GPC3: variants seen among roughly 807,000 people sequenced by gnomAD.
GPC3 encodes the protein glypican 3.
Under a neutral mutation model 34.4 loss-of-function variants are expected in GPC3, and 3 were observed. The ratio of observed to expected loss-of-function variants is 0.09; its 90% CI spans 0.04 to 0.23. The LOEUF (loss-of-function observed/expected upper bound fraction) is 0.23. GPC3 is among the 10% of genes least tolerant of loss of function. The pLI is 1.00. For synonymous variants in GPC3, 177 were observed against 174.0 expected (o/e 1.02, Z -0.13); for missense variants, 351 against 445.6 (o/e 0.79, Z 1.91).
At chrX:133,774,487 C>T (rs750717026) in intron 2 of GPC3, among the ~76,000 whole-genome samples, 1 of 110,576 alleles carries the variant, frequency 9.0e-6, no homozygotes, top group Admixed American at 9.7e-5. Flanking sequence ...AAATATAATC[C>T]AAAGCTCGCT....
intron 2 of GPC3, among the ~76,000 whole-genome samples, chrX:133,767,290 A>G (rs756012122): frequency 1.8e-5 from 2 of 112,032 alleles, no homozygotes; most frequent in East Asian, 5.6e-4. Context: ...CTACTTACCA[A>G]CAACAATAAT....
At chrX:133,627,750 G>A (rs975525578) in intron 6 of GPC3, among the ~76,000 whole-genome samples, 2 of 112,434 alleles carry the variant, frequency 1.8e-5, no homozygotes, top group Non-Finnish European at 3.8e-5. Context: ...TACAAAAAGA[G>A]AAAAAGTACA....
chrX:133,829,521 C>G (rs1381678333), intron 2 of GPC3, among the ~76,000 whole-genome samples: 1 of 111,634 alleles, frequency 9.0e-6, no homozygotes, highest in Non-Finnish European at 1.9e-5. Flanking sequence ...CACACATTCT[C>G]AAGTGAACAT....
intron 5 of GPC3, among the ~76,000 whole-genome samples, chrX:133,666,981 C>A (rs907866907): frequency 9.0e-6 from 1 of 111,715 alleles, no homozygotes; most frequent in African/African-American, 3.2e-5. Flanking sequence ...TTACCATGAC[C>A]ATTTTTAATC....
At chrX:133,749,491 A>G (rs370125214) in intron 3 of GPC3, among the ~76,000 whole-genome samples, 16 of 111,161 alleles carry the variant, frequency 1.4e-4, no homozygotes, top group African/African-American at 3.9e-4. Flanking sequence ...TGAAGTATTG[A>G]GAACTATGCT....
intron 2 of GPC3, among the ~76,000 whole-genome samples, chrX:133,905,619 T>A (rs1044878060): frequency 5.4e-5 from 6 of 111,996 alleles, no homozygotes; most frequent in African/African-American, 1.9e-4. Flanking sequence ...AGAAAATGGA[T>A]GTCAAATCTG....
intron 2 of GPC3, among the ~76,000 whole-genome samples, chrX:133,915,627 T>C (rs2076220765): frequency 8.9e-6 from 1 of 112,848 alleles, no homozygotes; most frequent in African/African-American, 3.2e-5. Context: ...TCTGGCTTAG[T>C]GTTACCTGTG....
chrX:133,545,337 T>C (rs920181353), intron 7 of GPC3, among the ~76,000 whole-genome samples: 1 of 111,778 alleles, frequency 8.9e-6, no homozygotes, highest in African/African-American at 3.3e-5. Context: ...TTTTGGAAGA[T>C]GTTTCAGTAG....
chrX:133,554,812 C>G (rs1192518204), intron 7 of GPC3, among the ~76,000 whole-genome samples: 1 of 112,184 alleles, frequency 8.9e-6, no homozygotes, highest in Non-Finnish European at 1.9e-5. Context: ...AGAACCCCTT[C>G]CCTTCCCTTG....
chrX:133,607,942 C>A (rs1000912782), intron 6 of GPC3, among the ~76,000 whole-genome samples: 4 of 112,725 alleles, frequency 3.5e-5, no homozygotes, highest in African/African-American at 1.3e-4. Flanking sequence ...GAGCCTCTGC[C>A]AATTCCCAGA....
At chrX:133,605,171 G>GT (rs1252565390) in intron 6 of GPC3, among the ~76,000 whole-genome samples, 2 of 101,646 alleles carry the variant, frequency 2.0e-5, no homozygotes, top group Non-Finnish European at 3.9e-5. Context: ...CACTTCACAC[G>GT]TGGGGGGGGG....
intron 2 of GPC3, among the ~76,000 whole-genome samples, chrX:133,841,215 A>ATTTTTTTTTTTTTTTTTTTGTTTTT (rs2075822653): frequency 2.5e-5 from 1 of 39,248 alleles, no homozygotes; most frequent in Non-Finnish European, 5.4e-5. Flanking sequence ...TAATCTTTTA[A>ATTTTTTTTTTTTTTTTTTTGTTTTT]TTTTTTTTTT....
intron 2 of GPC3, among the ~76,000 whole-genome samples, chrX:133,760,936 T>C (rs1292038779): frequency 1.8e-5 from 2 of 111,348 alleles, no homozygotes; most frequent in African/African-American, 6.6e-5. Flanking sequence ...AATCCAAAAC[T>C]GTTCTAAACA....
At chrX:133,979,184 T>G (rs1323743289) in intron 1 of GPC3, among the ~76,000 whole-genome samples, 1 of 111,999 alleles carries the variant, frequency 8.9e-6, no homozygotes, top group Non-Finnish European at 1.9e-5. Context: ...TTTATCAACA[T>G]AAGCCTATTA....
intron 7 of GPC3, among the ~76,000 whole-genome samples, chrX:133,569,709 A>G (rs1257139990): frequency 1.8e-5 from 2 of 112,059 alleles, no homozygotes; most frequent in Non-Finnish European, 3.8e-5. Flanking sequence ...TTACAGTTAA[A>G]TGTGAGACAC....
intron 2 of GPC3, among the ~76,000 whole-genome samples, chrX:133,900,049 C>T (rs937860781): frequency 8.9e-6 from 1 of 111,743 alleles, no homozygotes; most frequent in East Asian, 2.8e-4. Context: ...GTGATCCACC[C>T]GCCTCAGCCT....
At chrX:133,910,980 C>A (rs2076196088) in intron 2 of GPC3, among the ~76,000 whole-genome samples, 1 of 111,808 alleles carries the variant, frequency 8.9e-6, no homozygotes, top group Non-Finnish European at 1.9e-5. Context: ...TTCAACCTCA[C>A]CTCCTCCCCA....
At chrX:133,655,808 T>A (rs2124395548) in intron 6 of GPC3, among the ~76,000 whole-genome samples, 1 of 112,118 alleles carries the variant, frequency 8.9e-6, no homozygotes, top group Non-Finnish European at 1.9e-5. Flanking sequence ...CTGAGATTCA[T>A]TTCAAACATT....
At chrX:133,877,962 T>C (rs1003272338) in intron 2 of GPC3, among the ~76,000 whole-genome samples, 3 of 111,456 alleles carry the variant, frequency 2.7e-5, no homozygotes, top group African/African-American at 9.8e-5. Context: ...GTGACTTTTA[T>C]GTTTTTTTTT....
Sources: allele counts gnomAD v4.1 joint callset (sites outside exome capture counted in the v4.1 genomes callset), GRCh38; gene constraint gnomAD v4.1.1; transcripts MANE v1.5; gene names NCBI Gene and HGNC (gene_info 2026-07-23, HGNC 2026-07-21).